The following ADCY7 variants were observed in gnomAD, a reference collection of about 807,000 sequenced individuals.
The protein encoded by ADCY7 is adenylate cyclase 7.
A neutral mutation model predicts 120.6 loss-of-function variants in ADCY7; 72 were observed. The observed-to-expected ratio is 0.60, with a 90% CI of 0.49 to 0.73. ADCY7 has a LOEUF of 0.73. Among genes scored for constraint, ADCY7 ranks in the 30% least tolerant of loss-of-function variants. ADCY7 has a pLI of 0.00. For synonymous variants in ADCY7, 661 were observed against 628.0 expected (o/e 1.05, Z -0.78); for missense variants, 1,227 against 1,486.0 (o/e 0.83, Z 2.87).
chr16:50,305,581 C>T lies in ADCY7; in HGVS notation c.1674C>T (p.Ser558=). Residue 558 remains serine (S), a synonymous_variant, in exon 13 of 26, where the codon TCC becomes TCT. Coordinates refer to ENST00000673801, the MANE Select transcript of ADCY7 (RefSeq NM_001114.5). ...TGTCAGCCATTGAGGGGCTCAGCTC[C>T]ACGAGGTGAGGTCTGAGACCTCTGT... The part of the protein sequence containing the change: ...EMLSAIEGLS[S]TRPCCSKSDD... 6.3e-7 allele frequency: 1 copy of T among 1,599,290 alleles called. No individual in the cohort carries two copies.
In ADCY7 at chr16:50,310,780, C is replaced by T. The variant is rs79754369; in HGVS notation, c.2254C>T (p.Leu752=). Residue 752 remains leucine (L), a synonymous_variant, in exon 19 of 26, where the codon CTG becomes TTG. Transcript: ENST00000673801. The part of the protein sequence containing the change: ...EPKVVLLTVA[L]VAYLVLFNLS... ...AAAGGTTGTGCTGCTGACAGTGGCC[C>T]TGGTGGCCTACCTGGTGCTCTTCAA... The T allele has an allele frequency of 1.4e-3, 2,313 of 1,614,192 alleles. 2 individuals carry two copies. The highest frequency in any genetic ancestry group is 1.8e-3 in the Non-Finnish European group (2,139 of 1,180,018).
intron 1 of ADCY7, among the ~76,000 whole-genome samples, chr16:50,260,607 G>C (rs1315970008): frequency 6.6e-6 from 1 of 152,228 alleles, no homozygotes; most frequent in Non-Finnish European, 1.5e-5. Flanking sequence ...GCTGAGCTGG[G>C]TGCTTCTGGC....
chr16:50,263,596 G>A (rs778543523), upstream of ADCY7, among the ~76,000 whole-genome samples: 113 of 152,116 alleles, frequency 7.4e-4, no homozygotes, highest in Non-Finnish European at 1.4e-3. Flanking sequence ...TATGGCCGGT[G>A]CTGGAAAGCC....
At chr16:50,302,810 T>G (rs2035817954) in intron 10 of ADCY7, among the ~76,000 whole-genome samples, 1 of 152,184 alleles carries the variant, frequency 6.6e-6, no homozygotes. Context: ...GCACCCTGCA[T>G]TTTTCCTACC....
In ADCY7 at chr16:50,305,864, C is replaced by T; in HGVS notation, c.1752+15C>T. On this transcript the variant is annotated intron_variant, in intron 14 of 25. Coordinates refer to ENST00000673801, the MANE Select transcript of ADCY7 (RefSeq NM_001114.5). Reference sequence around the variant, plus strand: ...TTGAGCGCGAGGTGAGGGCCCCCAGCAGCCTCCTCCGCAGAGGGACGGGGT... The same window carrying T: ...TTGAGCGCGAGGTGAGGGCCCCCAGTAGCCTCCTCCGCAGAGGGACGGGGT... The T allele has an allele frequency of 4.3e-6, 7 of 1,613,092 alleles. No individual in the cohort carries two copies. Among genetic ancestry groups the T allele is most frequent in the Non-Finnish European group, 5.9e-6 (7 of 1,179,542 alleles).
intron 7 of ADCY7, among the ~76,000 whole-genome samples, chr16:50,295,300 TC>T (rs1435459162): frequency 6.7e-6 from 1 of 149,510 alleles, no homozygotes; most frequent in Non-Finnish European, 1.5e-5. Context: ...TGCCTCAGCC[TC>T]CTGAGTAGCT....
intron 15 of ADCY7, 121 bp downstream of exon 15, chr16:50,307,268 A>T (rs1455288243): frequency 1.2e-6 from 1 of 859,396 alleles, no homozygotes; most frequent in African/African-American, 1.7e-5. Flanking sequence ...GGGTCCTAGC[A>T]ACTGGACCAG....
chr16:50,270,321 G>T (rs558397405), intron 1 of ADCY7, among the ~76,000 whole-genome samples: 3 of 152,220 alleles, frequency 2.0e-5, no homozygotes, highest in African/African-American at 2.4e-5. Context: ...AGAAGCAGGG[G>T]TCTTCCAGAG....
intron 1 of ADCY7, among the ~76,000 whole-genome samples, chr16:50,276,999 G>GA (rs1173721931): frequency 6.6e-6 from 1 of 151,848 alleles, no homozygotes; most frequent in African/African-American, 2.4e-5. Flanking sequence ...AATAGAAACT[G>GA]AAAATGAGAA....
At chr16:50,303,338 G>A (rs1414638116) in intron 10 of ADCY7, among the ~76,000 whole-genome samples, 1 of 152,220 alleles carries the variant, frequency 6.6e-6, no homozygotes, top group Non-Finnish European at 1.5e-5. Context: ...TATCCCAAAA[G>A]GAGGTGAGAG....
At chr16:50,314,988 TG>T (rs2036724271) in intron 24 of ADCY7, 25 bp from the exon 25 acceptor site, 1 of 1,613,506 alleles carries the variant, frequency 6.2e-7, no homozygotes. Flanking sequence ...CCTGCACGCT[TG>T]GGTAACTGTA....
chr16:50,294,522 G>A lies in ADCY7; in HGVS notation c.837-118G>A, dbSNP rs529769274. 5.0e-5 allele frequency: 32 copies of A among 641,250 alleles called. No individual in the cohort carries two copies. In the East Asian group the frequency reaches 8.5e-4, roughly 17 times the overall value. 39.7% of individuals were successfully genotyped at this position (641,250 alleles called of 1,614,324 possible). A position where few individuals can be genotyped will look rare whatever the true frequency, so the allele number is the denominator to read the frequency against. ...TCCCTATGGAGGCTGAGGAAGGACG[G>A]GGGTGAATGGGCTCAGGCCTGGCAG... On this transcript the variant is annotated intron_variant, in intron 6 of 25. Transcript: ENST00000673801.
chr16:50,306,925 C>CT (rs2151058586), intron 14 of ADCY7, 125 bp from the exon 15 acceptor site: 1 of 717,038 alleles, frequency 1.4e-6, no homozygotes, highest in Admixed American at 2.6e-5. Context: ...TCCCAAAGTG[C>CT]TGGGATTACA....
chr16:50,309,887 GGAGT>G (rs1305404942), intron 18 of ADCY7, among the ~76,000 whole-genome samples: 1 of 152,194 alleles, frequency 6.6e-6, no homozygotes, highest in Admixed American at 6.5e-5. Flanking sequence ...GGGTAGGCAG[GGAGT>G]GAGGGGAGCA....
rs2036610880 is a variant in ADCY7, at chr16:50,313,621, C to G, written c.2752-337C>G. The G allele has an allele frequency of 1.4e-5, 4 of 277,972 alleles. No homozygotes were observed. The East Asian group carries it at 2.7e-4, about 19-fold the overall frequency. The allele number at this position is 277,972 out of a possible 1,614,324, so 17.2% of individuals were successfully genotyped here. On this transcript the variant is annotated intron_variant, in intron 22 of 25. Transcript: ENST00000673801. ...TTCCAACTAAGCCCACGCTATCAAC[C>G]AAGCCAAACAGAGGAAATCAGTTTG...
chr16:50,296,932 T>A (rs1014355739), intron 7 of ADCY7, among the ~76,000 whole-genome samples: 3 of 152,206 alleles, frequency 2.0e-5, no homozygotes, highest in African/African-American at 7.2e-5. Context: ...TCCTTCAGGA[T>A]CTGCATGGCT....
chr16:50,300,634 C>G, intron 8 of ADCY7, 81 bp from the exon 9 acceptor site: 1 of 1,505,960 alleles, frequency 6.6e-7, no homozygotes. Flanking sequence ...ACATGCTGCC[C>G]TGTACCCACC....
At position 50,277,668 on chromosome 16, in the gene ADCY7, G is replaced by GTT. The variant is rs755335071; in HGVS notation, c.-268-10225_-268-10224dup. Reference sequence around the variant, plus strand: ...CCATTGTGCCTGGCTACCATGGTAGGTTTTTTTTTTTTTTTTTTTTGAGGC... The same window carrying GTT: ...CCATTGTGCCTGGCTACCATGGTAGGTTTTTTTTTTTTTTTTTTTTTTGAGGC... On this transcript the variant is annotated intron_variant, in intron 1 of 25. Coordinates refer to ENST00000673801, the MANE Select transcript of ADCY7 (RefSeq NM_001114.5). Among the ~76,000 whole-genome samples the GTT allele has an allele frequency of 2.4e-3, 279 of 114,958 alleles. 4 individuals carry two copies. The highest frequency in any genetic ancestry group is 8.0e-3 in the African/African-American group (249 of 31,076). 75.4% of individuals were successfully genotyped at this position (114,958 alleles called of 152,430 possible).
Position 50,316,793 on chromosome 16 carries a change from A to G in ADCY7, c.*1288A>G, listed in dbSNP as rs1216063230. 1 of 152,378 alleles carries G rather than the reference A, an allele frequency of 6.6e-6. No individual in the cohort carries two copies. Among genetic ancestry groups the G allele is most frequent in the Non-Finnish European group, 1.5e-5 (1 of 68,046 alleles). 9.4% of individuals were successfully genotyped at this position (152,378 alleles called of 1,614,324 possible). On this transcript the variant is annotated 3_prime_UTR_variant, in exon 26 of 26. Coordinates refer to ENST00000673801, the MANE Select transcript of ADCY7 (RefSeq NM_001114.5). ...CCAAACTGCCCGTGACTTTTTCTGA[A>G]TGGACTTCATAACCGGAAGACTTAA...
Sources: allele counts gnomAD v4.1 joint callset (sites outside exome capture counted in the v4.1 genomes callset), GRCh38; gene constraint gnomAD v4.1.1; transcripts MANE v1.5; gene names NCBI Gene and HGNC (gene_info 2026-07-23, HGNC 2026-07-21).